Variants in MACF1 observed in about 807,000 individuals in gnomAD.
MACF1 encodes microtubule actin crosslinking factor 1, also known as microtubule-actin cross-linking factor 1.
A neutral mutation model predicts 854.8 loss-of-function variants in MACF1; 193 were observed. The ratio of observed to expected loss-of-function variants is 0.23; its 90% CI spans 0.20 to 0.25. The LOEUF (loss-of-function observed/expected upper bound fraction) is 0.25. Ranked by LOEUF, MACF1 falls within the 10% of genes least tolerant of loss-of-function variation. MACF1 has a pLI of 1.00. For missense variants in MACF1, 7,722 were observed against 8,929.1 expected (o/e 0.86, Z 5.45); for synonymous variants, 3,185 against 3,226.7 (o/e 0.99, Z 0.44).
At chr1:39,399,949 A>G (rs1028623852) in intron 58 of MACF1, among the ~76,000 whole-genome samples, 7 of 152,196 alleles carry the variant, frequency 4.6e-5, no homozygotes, top group African/African-American at 1.4e-4. Flanking sequence ...TCAAAATGCT[A>G]TCTACTCTGC....
intron 50 of MACF1, 52 bp downstream of exon 50, chr1:39,368,366 T>A: frequency 6.6e-7 from 1 of 1,517,872 alleles, no homozygotes; most frequent in Non-Finnish European, 9.1e-7. Context: ...TTTCTTGTTA[T>A]GGAGTGAAAT....
Position 39,232,789 on chromosome 1 carries a change from G to C in MACF1, c.171+1546G>C, listed in dbSNP as rs997730436. 2.4e-4 allele frequency among the ~76,000 whole-genome samples: 26 copies of C among 106,146 alleles called. No individual in the cohort carries two copies. The East Asian group carries it at 5.0e-3, about 20-fold the overall frequency. The allele number at this position is 106,146 out of a possible 152,430, so 69.6% of individuals were successfully genotyped here. On this transcript the variant is annotated intron_variant, in intron 2 of 100. Coordinates refer to ENST00000564288, the MANE Select transcript of MACF1 (RefSeq NM_001394062.1). ...TTTTTGTTTGTTTGTTTCTTTGTTT[G>C]TTTGTTTTTTTGAGACAGAGTCTTA...
chr1:39,406,032 A>G (rs1315526894), intron 58 of MACF1, among the ~76,000 whole-genome samples: 1 of 152,206 alleles, frequency 6.6e-6, no homozygotes, highest in Non-Finnish European at 1.5e-5. Flanking sequence ...ATGGAGGAGA[A>G]CTTGTGCTTC....
At chr1:39,120,657 C>T (rs997717160) in intron 2 of MACF1, among the ~76,000 whole-genome samples, 35 of 152,224 alleles carry the variant, frequency 2.3e-4, no homozygotes, top group Middle Eastern at 3.4e-3. Context: ...CCACCACACC[C>T]GGCCAACAAT....
Position 39,334,066 on chromosome 1 carries a change from A to G in MACF1, c.7478A>G (p.Glu2493Gly). 2 of 1,614,174 alleles carry G rather than the reference A, an allele frequency of 1.2e-6. No homozygotes were observed. The highest frequency in any genetic ancestry group is 1.7e-6 in the Non-Finnish European group (2 of 1,180,022). Residue 2493 changes from glutamate (E) to glycine (G), a missense_variant, in exon 37 of 101, where the codon GAG becomes GGG. Physicochemically the swap from Glu to Gly is moderately conservative, Grantham distance 98 (BLOSUM62 -2). Around this residue, in one of 15 missense-constraint regions of MACF1, gnomAD observed 1,531 missense variants for 1,601.6 expected, o/e 0.96. Coordinates refer to ENST00000564288, the MANE Select transcript of MACF1 (RefSeq NM_001394062.1). ...GACAGAGGTCTTTTGGAGAGAGAGGAGGCCGTTCGTTTGTTGACTAAGCAA... is the reference window on the plus strand; with the variant it reads ...GACAGAGGTCTTTTGGAGAGAGAGGGGGCCGTTCGTTTGTTGACTAAGCAA... ...SIDRGLLERE[E>G]AVRLLTKQVV...
intron 1 of MACF1, among the ~76,000 whole-genome samples, chr1:39,218,360 A>G (rs1480648205): frequency 1.3e-5 from 2 of 152,198 alleles, no homozygotes; most frequent in Non-Finnish European, 2.9e-5. Flanking sequence ...CTCAGGCTCA[A>G]AGAAGGGAAA....
intron 88 of MACF1, among the ~76,000 whole-genome samples, chr1:39,454,644 C>G (rs543923019): frequency 6.6e-6 from 1 of 152,020 alleles, no homozygotes; most frequent in South Asian, 2.1e-4. Flanking sequence ...TACTAAAATA[C>G]AAAAAATTAG....
intron 56 of MACF1, among the ~76,000 whole-genome samples, chr1:39,382,681 CA>C (rs764349970): frequency 6.1e-4 from 82 of 134,084 alleles, no homozygotes; most frequent in Non-Finnish European, 5.4e-4. Flanking sequence ...GACTCCGTCT[CA>C]AAAAAAAAAA....
In MACF1 at chr1:39,318,469, A is replaced by G. The variant is rs767518658; in HGVS notation, c.3799A>G (p.Ser1267Gly). The G allele has an allele frequency of 1.8e-5, 29 of 1,613,842 alleles. No individual in the cohort carries two copies. The Admixed American group carries it at 2.0e-4, about 11-fold the overall frequency. ...TTCTTCTAGCCAATCTGAGCTAGAAAGTATCCAGGAAGTTCTGGGAGATTA... is the reference window on the plus strand; with the variant it reads ...TTCTTCTAGCCAATCTGAGCTAGAAGGTATCCAGGAAGTTCTGGGAGATTA... ...QLEIRQSELE[S>G]IQEVLGDYRA... is the part of the protein sequence containing the mutation. Residue 1267 changes from serine (S) to glycine (G), a missense_variant, in exon 30 of 101, where the codon AGT becomes GGT. Physicochemically the swap from Ser to Gly is moderately conservative, Grantham distance 56 (BLOSUM62 0). Coordinates refer to ENST00000564288, the MANE Select transcript of MACF1 (RefSeq NM_001394062.1).
chr1:39,230,312 C>G (rs917741545), intron 1 of MACF1, among the ~76,000 whole-genome samples: 2 of 152,056 alleles, frequency 1.3e-5, no homozygotes, highest in Non-Finnish European at 2.9e-5. Context: ...GATAAATGAA[C>G]CAAGTCATCG....
intron 22 of MACF1, among the ~76,000 whole-genome samples, chr1:39,302,257 A>G (rs957222191): frequency 6.6e-5 from 10 of 152,172 alleles, no homozygotes; most frequent in African/African-American, 2.4e-4. Context: ...CTTAGCCTTC[A>G]GAAGTGCTGG....
Position 39,437,880 on chromosome 1 carries a change from G to A in MACF1, c.18092G>A (p.Cys6031Tyr), listed in dbSNP as rs1644015557. 6.2e-7 allele frequency: 1 copy of A among 1,614,144 alleles called. No individual in the cohort carries two copies. Among genetic ancestry groups the A allele is most frequent in the Non-Finnish European group, 8.5e-7 (1 of 1,180,020 alleles). The change falls in exon 71 of 101, where the codon TGC becomes TAC. Residue 6031 changes from cysteine (C) to tyrosine (Y), a missense_variant. Around this residue, in one of 15 missense-constraint regions of MACF1, gnomAD observed 2,807 missense variants for 3,235.8 expected, o/e 0.87. Transcript: ENST00000564288. ...IPAEVDKIRE[C>Y]ISDNKSATVE... ...GCTGAAGTAGACAAGATCAGAGAGT[G>A]CATCAGTGACAATAAGAGTGCCACC...
In MACF1 at chr1:39,331,262, C is replaced by G. The variant is rs981086142; in HGVS notation, c.4674C>G (p.Phe1558Leu). Reference protein sequence around the residue: ...DLGTVEIFPIFKAMQKGLLDQ... With the variant: ...DLGTVEIFPILKAMQKGLLDQ... ...GCACAGTGGAGATATTTCCCATCTTCAAAGCCATGCAAAAGGGCCTCCTTG... is the reference window on the plus strand; with the variant it reads ...GCACAGTGGAGATATTTCCCATCTTGAAAGCCATGCAAAAGGGCCTCCTTG... Residue 1558 changes from phenylalanine to leucine, a missense_variant, in exon 37 of 101, where the codon TTC becomes TTG. By Grantham distance (22) the Phe-to-Leu change is conservative. This residue lies in a region of MACF1 where 1,531 missense variants were observed against 1,601.6 expected (regional missense o/e 0.96). Coordinates refer to ENST00000564288, the MANE Select transcript of MACF1 (RefSeq NM_001394062.1). 8.3e-6 allele frequency: 13 copies of G among 1,556,896 alleles called. No individual in the cohort carries two copies. In the Middle Eastern group the frequency reaches 5.2e-4, roughly 62 times the overall value.
intron 2 of MACF1, among the ~76,000 whole-genome samples, chr1:39,108,082 G>A (rs532719959): frequency 6.6e-6 from 1 of 151,574 alleles, no homozygotes; most frequent in East Asian, 1.9e-4. Context: ...GTGGCAGTGA[G>A]CATGGTCTTG....
chr1:39,244,838 CAA>C (rs1644964866), intron 2 of MACF1, among the ~76,000 whole-genome samples: 1 of 152,058 alleles, frequency 6.6e-6, no homozygotes, highest in African/African-American at 2.4e-5. Context: ...CTCGGCTTCC[CAA>C]AGTGCTGGGA....
chr1:39,105,364 TG>T lies in MACF1; in HGVS notation c.220+20927del. On this transcript the variant is annotated intron_variant, in intron 2 of 93. Coordinates refer to the MACF1 transcript ENST00000361689. This position sits in a 1 kb window ranked among gnomAD's most constrained non-coding sequence, Gnocchi z 5.9. ...CCGCTGCAGCCGCGCCGGGGCGGGC[TG>T]AGGGAGGAGCGGAGCCGAGGGGTGA... 8.3e-6 allele frequency: 8 copies of T among 968,034 alleles called. No individual in the cohort carries two copies. The highest frequency in any genetic ancestry group is 9.8e-6 in the Non-Finnish European group (8 of 816,074). 60.0% of individuals were successfully genotyped at this position (968,034 alleles called of 1,614,324 possible). A position where few individuals can be genotyped will look rare whatever the true frequency, so the allele number is the denominator to read the frequency against.
chr1:39,400,030 A>C (rs1642416589), intron 58 of MACF1, among the ~76,000 whole-genome samples: 1 of 152,168 alleles, frequency 6.6e-6, no homozygotes, highest in Non-Finnish European at 1.5e-5. Context: ...TCAGTTCTCC[A>C]TCTTTCTTCT....
At chr1:39,204,151 G>A (rs1333829108), upstream of MACF1, 4 of 152,238 alleles carry the variant, frequency 2.6e-5, no homozygotes, top group Non-Finnish European at 5.9e-5. Flanking sequence ...GCATCCACCT[G>A]TAATCCCAGC....
chr1:39,190,395 G>GTTGTT (rs1644237768), intron 2 of MACF1, among the ~76,000 whole-genome samples: 44 of 79,044 alleles, frequency 5.6e-4, no homozygotes, highest in South Asian at 1.6e-3. Context: ...GTGTGTGTTT[G>GTTGTT]TTTTTGTTTT....
Sources: gnomAD v4.1 joint callset for allele counts (sites outside exome capture counted in the v4.1 genomes callset) on GRCh38, gnomAD v4.1.1 for gene constraint, gnomAD v4.1.1 regional missense constraint, Gnocchi (gnomAD v3.1) non-coding constraint, MANE v1.5 for transcripts, NCBI Gene and HGNC (gene_info 2026-07-23, HGNC 2026-07-21) for gene names.